The following COL25A1 variants were observed in gnomAD, a reference collection of about 807,000 sequenced individuals.
COL25A1 encodes the protein collagen type XXV alpha 1 chain, also known as collagen alpha-1(XXV) chain.
A neutral mutation model predicts 128.4 loss-of-function variants in COL25A1; 103 were observed. The ratio of observed to expected loss-of-function variants is 0.80; its 90% CI spans 0.68 to 0.94. The LOEUF is 0.94. COL25A1 is among the 40% of genes least tolerant of loss of function. The pLI, the probability that COL25A1 is intolerant of heterozygous loss-of-function variation, is 0.00. For synonymous variants in COL25A1, 279 were observed against 277.2 expected (o/e 1.01, Z -0.06); for missense variants, 745 against 840.0 (o/e 0.89, Z 1.40).
At chr4:109,282,499 T>C (rs977027774) in intron 3 of COL25A1, among the ~76,000 whole-genome samples, 5 of 152,228 alleles carry the variant, frequency 3.3e-5, no homozygotes, top group Non-Finnish European at 7.3e-5. Flanking sequence ...ATCACTGATT[T>C]GTGGCACAGT....
chr4:108,858,546 G>A (rs982384453), intron 24 of COL25A1, among the ~76,000 whole-genome samples: 1 of 152,104 alleles, frequency 6.6e-6, no homozygotes, highest in Non-Finnish European at 1.5e-5. Flanking sequence ...CTTAAAAAAG[G>A]GACTCATTTC....
intron 3 of COL25A1, among the ~76,000 whole-genome samples, chr4:109,225,300 TA>T (rs1300480035): frequency 6.6e-6 from 1 of 151,974 alleles, no homozygotes; most frequent in Non-Finnish European, 1.5e-5. Flanking sequence ...ATAACTCCAT[TA>T]AAAAGTGGGC....
intron 3 of COL25A1, among the ~76,000 whole-genome samples, chr4:109,105,540 TTAAAC>T (rs1766346865): frequency 6.6e-6 from 1 of 152,098 alleles, no homozygotes; most frequent in Non-Finnish European, 1.5e-5. Context: ...CTCATTGTAT[TTAAAC>T]TAAATGAAAA....
At chr4:109,190,983 G>C (rs571478857) in intron 3 of COL25A1, among the ~76,000 whole-genome samples, 1 of 152,302 alleles carries the variant, frequency 6.6e-6, no homozygotes, top group African/African-American at 2.4e-5. Flanking sequence ...TTTTAGATCT[G>C]TGGCATAAAG....
intron 5 of COL25A1, among the ~76,000 whole-genome samples, chr4:109,035,876 T>G (rs1759302425): frequency 6.6e-6 from 1 of 152,016 alleles, no homozygotes; most frequent in South Asian, 2.1e-4. Context: ...TCCTAAACTC[T>G]ATTAATATCA....
intron 11 of COL25A1, among the ~76,000 whole-genome samples, chr4:108,922,951 T>C (rs1041587661): frequency 3.3e-5 from 5 of 152,240 alleles, no homozygotes; most frequent in Non-Finnish European, 7.4e-5. Flanking sequence ...AAGAGTATCA[T>C]CCATTACTCG....
chr4:109,277,095 T>C (rs1474352152), intron 3 of COL25A1, among the ~76,000 whole-genome samples: 1 of 152,220 alleles, frequency 6.6e-6, no homozygotes, highest in Non-Finnish European at 1.5e-5. Flanking sequence ...ACTGCATGCA[T>C]GATTCAAATT....
chr4:108,841,528 A>G (rs111908507), intron 31 of COL25A1, among the ~76,000 whole-genome samples, 167 bp downstream of exon 31: 9 of 152,308 alleles, frequency 5.9e-5, no homozygotes, highest in African/African-American at 2.2e-4. Context: ...TAAATTTGTT[A>G]TAAGTCATTT....
intron 11 of COL25A1, 38 bp downstream of exon 11, chr4:108,937,770 C>T: frequency 6.5e-7 from 1 of 1,547,560 alleles, no homozygotes; most frequent in Non-Finnish European, 8.8e-7. Flanking sequence ...TGTAAACAAC[C>T]AGGCTTAGTA....
intron 3 of COL25A1, among the ~76,000 whole-genome samples, chr4:109,194,100 C>A (rs1232437643): frequency 6.6e-6 from 1 of 152,078 alleles, no homozygotes; most frequent in South Asian, 2.1e-4. Context: ...TTTGGGAGGT[C>A]TAACTTAGAC....
At chr4:108,943,392 A>T (rs747285984) in intron 8 of COL25A1, among the ~76,000 whole-genome samples, 2 of 152,196 alleles carry the variant, frequency 1.3e-5, no homozygotes, top group African/African-American at 2.4e-5. Context: ...CCCAGAATAA[A>T]CACAGCACAC....
intron 8 of COL25A1, among the ~76,000 whole-genome samples, chr4:108,967,385 G>A (rs1751433459): frequency 6.6e-6 from 1 of 152,172 alleles, no homozygotes; most frequent in East Asian, 1.9e-4. Flanking sequence ...CAAACTAGAA[G>A]CTGAGAAAGC....
At chr4:109,061,416 AAATAGG>A (rs1327046015) in intron 3 of COL25A1, among the ~76,000 whole-genome samples, 7 of 152,340 alleles carry the variant, frequency 4.6e-5, no homozygotes, top group African/African-American at 1.7e-4. Flanking sequence ...CCAGTTGCCT[AAATAGG>A]AATAGGAATA....
At chr4:109,024,435 T>C (rs552109941) in intron 5 of COL25A1, among the ~76,000 whole-genome samples, 85 of 152,078 alleles carry the variant, frequency 5.6e-4, no homozygotes, top group African/African-American at 2.0e-3. Flanking sequence ...ATAATTTTTG[T>C]GTATATACAT....
chr4:108,989,779 T>G (rs1753993109), intron 6 of COL25A1, among the ~76,000 whole-genome samples: 1 of 152,162 alleles, frequency 6.6e-6, no homozygotes, highest in Admixed American at 6.5e-5. Flanking sequence ...CTAACTACTA[T>G]CATATAGCAT....
At chr4:108,869,027 A>G in intron 20 of COL25A1, 61 bp downstream of exon 20, 1 of 1,019,094 alleles carries the variant, frequency 9.8e-7, no homozygotes, top group Non-Finnish European at 1.5e-6. Flanking sequence ...AAAGGAAAGA[A>G]GGAAGGAAGA....
intron 3 of COL25A1, among the ~76,000 whole-genome samples, chr4:109,257,995 T>A (rs1366009257): frequency 6.6e-6 from 1 of 152,148 alleles, no homozygotes; most frequent in African/African-American, 2.4e-5. Flanking sequence ...GTTAGTGATA[T>A]CCCCATTAAC....
intron 3 of COL25A1, among the ~76,000 whole-genome samples, chr4:109,291,932 A>G (rs554760020): frequency 5.3e-5 from 8 of 152,252 alleles, no homozygotes; most frequent in Middle Eastern, 3.4e-3. Flanking sequence ...TAAAGAGATG[A>G]TATTATATGA....
chr4:109,269,617 TTGC>T (rs1782055989), intron 3 of COL25A1, among the ~76,000 whole-genome samples: 1 of 151,238 alleles, frequency 6.6e-6, no homozygotes. Context: ...TTTTTAATGA[TTGC>T]CATTCTAACT....
Sources: allele counts gnomAD v4.1 joint callset (sites outside exome capture counted in the v4.1 genomes callset), GRCh38; gene constraint gnomAD v4.1.1; transcripts MANE v1.5; gene names NCBI Gene and HGNC (gene_info 2026-07-23, HGNC 2026-07-21).